The following GMPR variants were observed in gnomAD, a reference collection of about 807,000 sequenced individuals.
GMPR encodes GMP reductase 1.
In GMPR, 31 loss-of-function variants were observed where a neutral mutation model predicts 38.4. The observed-to-expected ratio is 0.81, with a 90% CI of 0.61 to 1.09. The LOEUF is 1.09. Among genes scored for constraint, GMPR ranks in the 50% least tolerant of loss-of-function variants. The probability of loss-of-function intolerance (pLI) is 0.00; values close to 1 mark genes in which losing one functional copy is unlikely to be tolerated. For missense variants in GMPR, 468 were observed against 453.7 expected (o/e 1.03, Z -0.29); for synonymous variants, 162 against 173.3 (o/e 0.93, Z 0.51).
chr6:16,268,378 G>A (rs756982887), intron 4 of GMPR, among the ~76,000 whole-genome samples: 1 of 152,126 alleles, frequency 6.6e-6, no homozygotes, highest in Non-Finnish European at 1.5e-5. Context: ...GTGGTGGCAC[G>A]ATCTTGGCTA....
In GMPR at chr6:16,254,727, A is replaced by G. The variant is rs867190116; in HGVS notation, c.457A>G (p.Thr153Ala). The change falls in exon 4 of 9, where the codon ACC (threonine) becomes GCC (alanine). Residue 153 changes from threonine (T) to alanine (A), a missense_variant. Thr to Ala is a moderately conservative substitution (Grantham distance 58). Transcript: ENST00000259727. Reference sequence around the variant, plus strand: ...TGTCCGTGCCAAATTTCCTGAACACACCATTATGGTAAGTACGGTAGAACA... The same window carrying G: ...TGTCCGTGCCAAATTTCCTGAACACGCCATTATGGTAAGTACGGTAGAACA... ...KLVRAKFPEH[T>A]IMAGNVVTGE... The G allele has an allele frequency of 1.2e-6, 2 of 1,611,448 alleles. No homozygotes were observed. The highest frequency in any genetic ancestry group is 1.7e-6 in the Non-Finnish European group (2 of 1,177,532).
At chr6:16,244,055 C>T (rs1758709805) in intron 1 of GMPR, among the ~76,000 whole-genome samples, 1 of 151,124 alleles carries the variant, frequency 6.6e-6, no homozygotes, top group African/African-American at 2.4e-5. Flanking sequence ...GGCCGGCTCC[C>T]CGCTACCATG....
intron 4 of GMPR, among the ~76,000 whole-genome samples, chr6:16,256,926 T>A (rs1257210576): frequency 6.6e-6 from 1 of 152,186 alleles, no homozygotes; most frequent in Non-Finnish European, 1.5e-5. Flanking sequence ...TGTTCTAATA[T>A]TTAATCTTTG....
Position 16,263,349 on chromosome 6 carries a change from GC to G in GMPR, c.465+8615del, listed in dbSNP as rs1167260491. The G allele has an allele frequency of 1.3e-5, 2 of 152,078 alleles. 1 individual carries two copies. The highest frequency in any genetic ancestry group is 1.3e-4 in the Admixed American group (2 of 15,110). The allele number at this position is 152,078 out of a possible 1,614,324, so 9.4% of individuals were successfully genotyped here. A position where few individuals can be genotyped will look rare whatever the true frequency, so the allele number is the denominator to read the frequency against. ...ACTGTCGAGTTTGTATTGGGGTCAA[GC>G]AGCACTGCAGAAGAAAATAAGATGC... On this transcript the variant is annotated intron_variant, in intron 4 of 8. Coordinates refer to ENST00000259727, the MANE Select transcript of GMPR (RefSeq NM_006877.4).
intron 8 of GMPR, among the ~76,000 whole-genome samples, chr6:16,292,693 C>G (rs1184360993): frequency 1.3e-5 from 2 of 152,174 alleles, no homozygotes; most frequent in Non-Finnish European, 2.9e-5. Flanking sequence ...CATGGGTGAG[C>G]AGCAGCTAGG....
At chr6:16,278,416 A>T (rs1759516297) in intron 5 of GMPR, among the ~76,000 whole-genome samples, 1 of 152,114 alleles carries the variant, frequency 6.6e-6, no homozygotes, top group South Asian at 2.1e-4. Context: ...TTTAAAGCAG[A>T]GTGTAGATTT....
intron 1 of GMPR, 113 bp from the exon 2 acceptor site, chr6:16,246,729 A>G (rs762028767): frequency 1.0e-6 from 1 of 994,280 alleles, no homozygotes; most frequent in Non-Finnish European, 1.5e-6. Context: ...AAGAGAATCC[A>G]GGGACCTTTG....
At position 16,295,148 on chromosome 6, in the gene GMPR, A is replaced by T; in HGVS notation, c.1000A>T (p.Ile334Phe). 1 of 1,558,564 alleles carries T rather than the reference A, an allele frequency of 6.4e-7. No individual in the cohort carries two copies. Among genetic ancestry groups the T allele is most frequent in the Non-Finnish European group, 8.6e-7 (1 of 1,158,912 alleles). The change falls in exon 9 of 9, where the codon ATC (isoleucine) becomes TTC (phenylalanine). Residue 334 changes from isoleucine to phenylalanine, a missense_variant. Coordinates refer to ENST00000259727, the MANE Select transcript of GMPR (RefSeq NM_006877.4). ...LKELSRRATF[I>F]RVTQQHNTVF... ...GGAGCTCAGCAGGAGGGCAACATTCATCCGGGTGACCCAGCAGCACAACAC... is the reference window on the plus strand; with the variant it reads ...GGAGCTCAGCAGGAGGGCAACATTCTTCCGGGTGACCCAGCAGCACAACAC...
chr6:16,260,157 T>G (rs187063109), intron 4 of GMPR, among the ~76,000 whole-genome samples: 9,522 of 152,044 alleles, frequency 0.063, 615 homozygotes, highest in African/African-American at 0.17. Flanking sequence ...TATTGTCCAG[T>G]CCTTTTTAAG....
chr6:16,285,069 C>T (rs996924037), intron 6 of GMPR, among the ~76,000 whole-genome samples: 11 of 148,240 alleles, frequency 7.4e-5, no homozygotes, highest in Admixed American at 6.7e-4. Context: ...GAAAATTCAG[C>T]TAGCTCTGCA....
At chr6:16,259,208 A>G (rs1379239320) in intron 4 of GMPR, 1 of 151,978 alleles carries the variant, frequency 6.6e-6, no homozygotes. Context: ...TCTGGCGGGC[A>G]GAGTAGGGGT....
At chr6:16,247,088 G>A in intron 2 of GMPR, 127 bp downstream of exon 2, 1 of 833,800 alleles carries the variant, frequency 1.2e-6, no homozygotes, top group Non-Finnish European at 1.8e-6. Context: ...GTCATTCTCT[G>A]TCTTTCCCTT....
chr6:16,269,850 G>A (rs2113690315), intron 4 of GMPR, among the ~76,000 whole-genome samples: 1 of 152,300 alleles, frequency 6.6e-6, no homozygotes, highest in South Asian at 2.1e-4. Flanking sequence ...CAGTTCTGAA[G>A]GCTGGGAAGT....
Position 16,290,584 on chromosome 6 carries a change from G to GCCATGAACAA in GMPR, c.821_830dup (p.Lys277AsnfsTer11), listed in dbSNP as rs1561836698. The GCCATGAACAA allele has an allele frequency of 6.2e-7, 1 of 1,614,140 alleles. No individual in the cohort carries two copies. The highest frequency in any genetic ancestry group is 8.5e-7 in the Non-Finnish European group (1 of 1,180,000). On this transcript the variant is annotated frameshift_variant, in exon 8 of 9. Transcript: ENST00000259727. LOFTEE classifies it high-confidence loss of function. ...CTTCTACGGGATGAGCTCTGACACC[G>GCCATGAACAA]CCATGAACAAGCACGCAGGAGGAGT...
At chr6:16,244,321 T>C (rs1758715237) in intron 1 of GMPR, among the ~76,000 whole-genome samples, 1 of 150,352 alleles carries the variant, frequency 6.7e-6, no homozygotes. Context: ...CAATCAATCC[T>C]CCCACCTCAG....
intron 6 of GMPR, among the ~76,000 whole-genome samples, chr6:16,285,042 A>C (rs1759651475): frequency 6.6e-6 from 1 of 151,716 alleles, no homozygotes; most frequent in Non-Finnish European, 1.5e-5. Context: ...ACAAAAAAAA[A>C]AAAACAGAAA....
intron 4 of GMPR, among the ~76,000 whole-genome samples, chr6:16,261,868 A>C (rs1273364847): frequency 1.3e-5 from 2 of 151,888 alleles, no homozygotes; most frequent in African/African-American, 2.4e-5. Context: ...GGAGGACACA[A>C]AGGAGGCTTT....
intron 4 of GMPR, among the ~76,000 whole-genome samples, chr6:16,260,923 G>A (rs1282459669): frequency 1.3e-5 from 2 of 152,042 alleles, no homozygotes; most frequent in Non-Finnish European, 2.9e-5. Context: ...TTAACAAAGA[G>A]TGAGTACAGC....
At chr6:16,290,190 C>T (rs1429362286) in intron 7 of GMPR, 1 of 355,710 alleles carries the variant, frequency 2.8e-6, no homozygotes, top group Non-Finnish European at 5.2e-6. Flanking sequence ...CGTAGTTAGC[C>T]ATTAAAAGCC....
Sources: allele counts gnomAD v4.1 joint callset (sites outside exome capture counted in the v4.1 genomes callset), GRCh38; gene constraint gnomAD v4.1.1; transcripts MANE v1.5; gene names NCBI Gene and HGNC (gene_info 2026-07-23, HGNC 2026-07-21).